The following CYRIB variants were observed in gnomAD, a reference collection of about 807,000 sequenced individuals.
The protein encoded by CYRIB is CYFIP related Rac1 interactor B, also known as CYFIP-related Rac1 interactor B.
Under a neutral mutation model 44.2 loss-of-function variants are expected in CYRIB, and 8 were observed. The ratio of observed to expected loss-of-function variants is 0.18; its 90% CI spans 0.11 to 0.33. The LOEUF is 0.33. Among genes scored for constraint, CYRIB ranks in the 10% least tolerant of loss-of-function variants. The pLI is 1.00. For missense variants in CYRIB, 185 were observed against 382.8 expected (o/e 0.48, Z 4.31); for synonymous variants, 131 against 127.2 (o/e 1.03, Z -0.20).
intron 2 of CYRIB, among the ~76,000 whole-genome samples, chr8:129,897,238 C>A (rs2068537962): frequency 1.3e-5 from 2 of 152,310 alleles, no homozygotes; most frequent in South Asian, 4.1e-4. Context: ...CATCTCACCA[C>A]TGCTTAAATA....
At chr8:129,875,180 G>C (rs1190429895) in intron 3 of CYRIB, among the ~76,000 whole-genome samples, 1 of 151,984 alleles carries the variant, frequency 6.6e-6, no homozygotes, top group Non-Finnish European at 1.5e-5. Context: ...CTAAAGATTT[G>C]TCATTAGAAT....
intron 2 of CYRIB, among the ~76,000 whole-genome samples, chr8:129,880,215 T>A (rs904003459): frequency 6.6e-6 from 1 of 152,218 alleles, no homozygotes; most frequent in African/African-American, 2.4e-5. Flanking sequence ...ATTATACATA[T>A]GATGGTGATG....
chr8:129,984,747 AACC>A (rs2096385953), intron 1 of CYRIB, among the ~76,000 whole-genome samples: 1 of 152,092 alleles, frequency 6.6e-6, no homozygotes, highest in East Asian at 1.9e-4. Flanking sequence ...AATGCCCTCC[AACC>A]ACCAAGTGGT....
chr8:130,011,645 A>G (rs976737546), intron 1 of CYRIB, among the ~76,000 whole-genome samples: 15 of 150,584 alleles, frequency 1.0e-4, no homozygotes, highest in Non-Finnish European at 2.1e-4. Context: ...GTAAAACCCC[A>G]TCTCTACTAA....
chr8:129,981,855 G>C (rs945181330), intron 1 of CYRIB, among the ~76,000 whole-genome samples: 1 of 152,154 alleles, frequency 6.6e-6, no homozygotes, highest in African/African-American at 2.4e-5. Flanking sequence ...TGTCCAGACA[G>C]GTGCCCCCGC....
chr8:129,996,728 C>T (rs570485913), intron 1 of CYRIB, among the ~76,000 whole-genome samples: 13 of 152,136 alleles, frequency 8.5e-5, no homozygotes, highest in Admixed American at 2.6e-4. Context: ...CTCCCTCCCC[C>T]ACAGCCCGCA....
chr8:129,956,264 C>T (rs1183444372), intron 2 of CYRIB, among the ~76,000 whole-genome samples: 1 of 152,158 alleles, frequency 6.6e-6, no homozygotes, highest in Non-Finnish European at 1.5e-5. Flanking sequence ...ATCCCCACCC[C>T]TTCTCAAATA....
chr8:129,973,466 C>T (rs1036940207), intron 1 of CYRIB, among the ~76,000 whole-genome samples: 1 of 152,336 alleles, frequency 6.6e-6, no homozygotes, highest in Non-Finnish European at 1.5e-5. Flanking sequence ...CCCCTGAGGT[C>T]CCTCCCAGCC....
chr8:129,850,329 T>C (rs1253279435), intron 9 of CYRIB: 3 of 158,250 alleles, frequency 1.9e-5, no homozygotes, highest in Admixed American at 6.6e-5. Context: ...ACATCATAAA[T>C]GTTTAGAGAG....
intron 10 of CYRIB, among the ~76,000 whole-genome samples, chr8:129,847,472 A>C (rs1182115190): frequency 6.6e-6 from 1 of 152,168 alleles, no homozygotes; most frequent in Admixed American, 6.5e-5. Flanking sequence ...ACAAAAAATA[A>C]AATAAAATAA....
At chr8:130,006,237 A>T (rs919367757) in intron 1 of CYRIB, among the ~76,000 whole-genome samples, 4 of 152,034 alleles carry the variant, frequency 2.6e-5, no homozygotes, top group African/African-American at 9.7e-5. Flanking sequence ...CAGGAAGCGG[A>T]GGTTGCAGTG....
At chr8:129,919,376 T>A (rs1017297578) in intron 1 of CYRIB, among the ~76,000 whole-genome samples, 1 of 152,204 alleles carries the variant, frequency 6.6e-6, no homozygotes, top group Non-Finnish European at 1.5e-5. Flanking sequence ...CAAAGATCAG[T>A]TACAGACTCC....
At chr8:129,909,259 A>C (rs1298334897) in intron 1 of CYRIB, among the ~76,000 whole-genome samples, 1 of 152,170 alleles carries the variant, frequency 6.6e-6, no homozygotes, top group Non-Finnish European at 1.5e-5. Context: ...ATTTTTGTAG[A>C]GTCTAAAAAG....
intron 1 of CYRIB, among the ~76,000 whole-genome samples, chr8:129,995,610 G>A (rs138790402): frequency 2.2e-4 from 33 of 152,332 alleles, no homozygotes; most frequent in African/African-American, 6.5e-4. Flanking sequence ...TGGAGGAGAG[G>A]AGAACAGAGA....
intron 5 of CYRIB, among the ~76,000 whole-genome samples, chr8:129,861,726 C>T (rs1040838213): frequency 5.3e-5 from 8 of 151,720 alleles, no homozygotes; most frequent in Non-Finnish European, 4.4e-5. Flanking sequence ...GTTGGGATTA[C>T]AGAAATGAGC....
At chr8:129,933,342 G>A (rs1279528369) in intron 1 of CYRIB, among the ~76,000 whole-genome samples, 2 of 152,090 alleles carry the variant, frequency 1.3e-5, no homozygotes, top group Non-Finnish European at 2.9e-5. Context: ...TGGACTGAAG[G>A]CCAGACATAC....
At chr8:129,869,621 G>A (rs1267061854) in intron 4 of CYRIB, among the ~76,000 whole-genome samples, 1 of 151,908 alleles carries the variant, frequency 6.6e-6, no homozygotes, top group East Asian at 1.9e-4. Context: ...TTCAAAATAC[G>A]TTTAAATGTT....
intron 2 of CYRIB, among the ~76,000 whole-genome samples, chr8:129,960,962 A>AAAAGAAAG (rs567122078): frequency 6.7e-5 from 10 of 149,906 alleles, no homozygotes; most frequent in Non-Finnish European, 1.2e-4. Flanking sequence ...AAAAAAAAAA[A>AAAAGAAAG]AAAGAAAGAA....
chr8:129,922,481 G>A (rs1325616023), intron 1 of CYRIB, among the ~76,000 whole-genome samples: 1 of 151,996 alleles, frequency 6.6e-6, no homozygotes, highest in Non-Finnish European at 1.5e-5. Context: ...TAATTAAAAA[G>A]AAAACTTTGT....
Sources: gnomAD v4.1 joint callset for allele counts (sites outside exome capture counted in the v4.1 genomes callset) on GRCh38, gnomAD v4.1.1 for gene constraint, MANE v1.5 for transcripts, NCBI Gene and HGNC (gene_info 2026-07-23, HGNC 2026-07-21) for gene names.